CTNNA2: variants seen among roughly 807,000 people sequenced by gnomAD.
CTNNA2 encodes the protein catenin alpha-2.
Under a neutral mutation model 101.0 loss-of-function variants are expected in CTNNA2, and 42 were observed. That is an observed-to-expected ratio of 0.42 (90% CI 0.32 to 0.54). The LOEUF (loss-of-function observed/expected upper bound fraction) is 0.54. Ranked by LOEUF, CTNNA2 falls within the 20% of genes least tolerant of loss-of-function variation. The pLI is 0.14. For missense variants in CTNNA2, 871 were observed against 1,223.1 expected, an observed-to-expected ratio of 0.71 and a Z score of 4.29; for synonymous variants, 450 against 456.4, an observed-to-expected ratio of 0.99 and a Z score of 0.18.
intron 3 of CTNNA2, among the ~76,000 whole-genome samples, chr2:79,334,983 A>G (rs949927635): frequency 1.1e-4 from 17 of 152,122 alleles, no homozygotes; most frequent in African/African-American, 3.9e-4. Flanking sequence ...TTTAGAATTT[A>G]CTGCCCTCCC....
chr2:79,462,738 T>A (rs111956648), intron 4 of CTNNA2, among the ~76,000 whole-genome samples: 4 of 152,188 alleles, frequency 2.6e-5, no homozygotes, highest in Admixed American at 6.5e-5. Flanking sequence ...GCAAGTTCTA[T>A]TTAGTAGAAC....
At chr2:79,679,809 G>A (rs17017525) in intron 2 of CTNNA2, among the ~76,000 whole-genome samples, 5 of 151,976 alleles carry the variant, frequency 3.3e-5, no homozygotes, top group African/African-American at 1.2e-4. Flanking sequence ...TCTGGGTAAG[G>A]TCTCTGTGAT....
chr2:79,658,633 C>T (rs1346271206), intron 2 of CTNNA2, among the ~76,000 whole-genome samples: 1 of 151,722 alleles, frequency 6.6e-6, no homozygotes, highest in Non-Finnish European at 1.5e-5. Flanking sequence ...GAAGCACTGG[C>T]CATCAAAATG....
At chr2:80,545,640 T>C (rs1362652022) in intron 10 of CTNNA2, among the ~76,000 whole-genome samples, 6 of 152,242 alleles carry the variant, frequency 3.9e-5, no homozygotes, top group Non-Finnish European at 8.8e-5. Flanking sequence ...GCATTTCTGC[T>C]GTATCTGTGC....
At chr2:79,313,147 C>T (rs893173233) in intron 3 of CTNNA2, among the ~76,000 whole-genome samples, 1 of 152,156 alleles carries the variant, frequency 6.6e-6, no homozygotes, top group Non-Finnish European at 1.5e-5. Context: ...TATCCCTTGG[C>T]TCCCGTTTGC....
chr2:80,391,676 G>C (rs1388092543), intron 7 of CTNNA2, among the ~76,000 whole-genome samples: 1 of 152,194 alleles, frequency 6.6e-6, no homozygotes, highest in Non-Finnish European at 1.5e-5. Context: ...TGAACTTGGA[G>C]AGGCAGAGCA....
intron 2 of CTNNA2, among the ~76,000 whole-genome samples, chr2:79,661,468 T>A (rs1682031862): frequency 6.6e-6 from 1 of 152,248 alleles, no homozygotes; most frequent in Non-Finnish European, 1.5e-5. Context: ...TACTACTCAA[T>A]TGATTAAATC....
chr2:79,949,727 A>G, intron 7 of CTNNA2, among the ~76,000 whole-genome samples: 1 of 152,188 alleles, frequency 6.6e-6, no homozygotes, highest in South Asian at 2.1e-4. Flanking sequence ...GTAGGGACCC[A>G]TGATCACACC....
chr2:79,848,003 G>T (rs1290869600), intron 3 of CTNNA2, among the ~76,000 whole-genome samples: 2 of 152,140 alleles, frequency 1.3e-5, no homozygotes, highest in Non-Finnish European at 2.9e-5. Flanking sequence ...GTTTTGATTT[G>T]TGTCATGGTT....
intron 2 of CTNNA2, among the ~76,000 whole-genome samples, chr2:79,269,511 A>G (rs1317034084): frequency 1.3e-5 from 2 of 152,142 alleles, no homozygotes; most frequent in African/African-American, 2.4e-5. Context: ...GAATTTCTGA[A>G]GGCATAGCTT....
chr2:79,687,679 T>G (rs1288558431), intron 2 of CTNNA2: 5 of 564,360 alleles, frequency 8.9e-6, no homozygotes, highest in African/African-American at 5.9e-5. Context: ...TGAAAATAAC[T>G]TAAAAAACTG....
chr2:79,306,037 C>T (rs1676235138), intron 2 of CTNNA2, among the ~76,000 whole-genome samples: 1 of 118,046 alleles, frequency 8.5e-6, no homozygotes, highest in African/African-American at 3.9e-5. Flanking sequence ...CAGAGCGAGA[C>T]ACCATTTCAA....
chr2:79,334,693 G>T (rs1258428012), intron 3 of CTNNA2, among the ~76,000 whole-genome samples: 1 of 152,100 alleles, frequency 6.6e-6, no homozygotes, highest in Non-Finnish European at 1.5e-5. Flanking sequence ...TTCATAGAGA[G>T]GGCGATTCTT....
At chr2:79,904,089 C>A (rs1685254088) in intron 6 of CTNNA2, among the ~76,000 whole-genome samples, 2 of 152,162 alleles carry the variant, frequency 1.3e-5, no homozygotes, top group South Asian at 2.1e-4. Flanking sequence ...CTGCTCCTAA[C>A]TTTGCTTGGC....
chr2:80,632,323 G>GTAAC lies in CTNNA2; in HGVS notation c.2574+13099_2574+13102dup, dbSNP rs1249954284. ...TCTTGGAGGACAATGCAGTAAATAA[G>GTAAC]TAACTAAAGATTTGATTCCAGAATA... On this transcript the variant is annotated intron_variant, in intron 18 of 18. Coordinates refer to ENST00000402739, the MANE Select transcript of CTNNA2 (RefSeq NM_001282597.3). 2.0e-5 allele frequency among the ~76,000 whole-genome samples: 3 copies of GTAAC among 151,280 alleles called. No homozygotes were observed. In the South Asian group the frequency reaches 6.3e-4, roughly 32 times the overall value.
intron 2 of CTNNA2, among the ~76,000 whole-genome samples, chr2:79,241,302 A>T (rs893107132): frequency 6.6e-6 from 1 of 152,226 alleles, no homozygotes; most frequent in Non-Finnish European, 1.5e-5. Context: ...GTAGTGATGA[A>T]AATGATATCA....
At chr2:79,611,199 T>G (rs1311996741) in intron 1 of CTNNA2, among the ~76,000 whole-genome samples, 1 of 152,178 alleles carries the variant, frequency 6.6e-6, no homozygotes, top group Non-Finnish European at 1.5e-5. Context: ...AAAGATGGGA[T>G]AAAACTTGAG....
chr2:79,351,464 A>G (rs1410475678), intron 3 of CTNNA2, among the ~76,000 whole-genome samples: 1 of 152,128 alleles, frequency 6.6e-6, no homozygotes, highest in Non-Finnish European at 1.5e-5. Flanking sequence ...AATCGGGGGT[A>G]CATGTGCATG....
At chr2:80,109,614 G>T (rs1485439824) in intron 7 of CTNNA2, among the ~76,000 whole-genome samples, 1 of 152,172 alleles carries the variant, frequency 6.6e-6, no homozygotes, top group Non-Finnish European at 1.5e-5. Flanking sequence ...CTAGGAAATG[G>T]CCGAGTACAG....
Sources: allele counts gnomAD v4.1 joint callset (sites outside exome capture counted in the v4.1 genomes callset), GRCh38; gene constraint gnomAD v4.1.1; transcripts MANE v1.5; gene names NCBI Gene and HGNC (gene_info 2026-07-23, HGNC 2026-07-21).